Variants in DMD observed in about 807,000 individuals in gnomAD.
DMD encodes the protein mutant dystrophin.
DMD carries 63 observed loss-of-function variants against 330.1 expected under a neutral mutation model. The observed-to-expected ratio is 0.19, with a 90% CI of 0.16 to 0.24. DMD has a LOEUF of 0.24. Ranked by LOEUF, DMD falls within the 10% of genes least tolerant of loss-of-function variation. The pLI is 1.00. For missense variants in DMD, 3,344 were observed against 2,684.1 expected (o/e 1.25, Z -5.43); for synonymous variants, 1,223 against 959.8 (o/e 1.27, Z -5.07).
intron 1 of DMD, among the ~76,000 whole-genome samples, chrX:33,224,111 G>T (rs2052241160): frequency 8.9e-6 from 1 of 112,310 alleles, no homozygotes; most frequent in Non-Finnish European, 1.9e-5. Flanking sequence ...TGGAGTAATA[G>T]GAACTCTTGT....
intron 12 of DMD, among the ~76,000 whole-genome samples, chrX:32,607,617 T>C (rs2056838528): frequency 9.1e-6 from 1 of 110,055 alleles, no homozygotes; most frequent in Non-Finnish European, 1.9e-5. Flanking sequence ...AGAAAAAGTA[T>C]CATATTCAAC....
intron 43 of DMD, among the ~76,000 whole-genome samples, chrX:32,253,009 A>T (rs2097282945): frequency 1.0e-5 from 1 of 97,458 alleles, no homozygotes; most frequent in South Asian, 4.3e-4. Flanking sequence ...TAAATGGTTT[A>T]TAAAACTTTC....
At chrX:31,157,891 A>T (rs1398692513) in intron 74 of DMD, among the ~76,000 whole-genome samples, 2 of 107,545 alleles carry the variant, frequency 1.9e-5, no homozygotes, top group African/African-American at 6.8e-5. Context: ...GTAACCTTGA[A>T]TTCCTGGGCT....
intron 43 of DMD, among the ~76,000 whole-genome samples, chrX:32,232,487 C>T (rs755167085): frequency 7.2e-5 from 8 of 111,136 alleles, no homozygotes; most frequent in African/African-American, 2.6e-4. Context: ...AGGATGACAC[C>T]ATGTTAGAAA....
At chrX:32,557,456 TAC>T (rs1462024225) in intron 16 of DMD, among the ~76,000 whole-genome samples, 1 of 111,936 alleles carries the variant, frequency 8.9e-6, no homozygotes, top group Admixed American at 9.5e-5. Flanking sequence ...CAAAATACAC[TAC>T]ACACACACAA....
chrX:33,114,250 C>G (rs1301403886), intron 1 of DMD, among the ~76,000 whole-genome samples: 3 of 108,195 alleles, frequency 2.8e-5, no homozygotes, highest in African/African-American at 1.0e-4. Context: ...GCTGAGATTA[C>G]AGATGCCCAC....
chrX:32,697,845 C>T, intron 9 of DMD, 25 bp downstream of exon 9: 1 of 1,209,517 alleles, frequency 8.3e-7, no homozygotes, highest in Non-Finnish European at 1.1e-6. Flanking sequence ...CTGGTTTGTA[C>T]AACAGAGAGT....
At chrX:33,125,527 G>A (rs1417572032) in intron 1 of DMD, among the ~76,000 whole-genome samples, 3 of 110,975 alleles carry the variant, frequency 2.7e-5, no homozygotes, top group African/African-American at 9.8e-5. Context: ...TAATCTAAAC[G>A]TTGCGCCCCA....
At chrX:33,211,554 G>A (rs1464456863), upstream of DMD, 4 of 1,031,256 alleles carry the variant, frequency 3.9e-6, no homozygotes, top group Middle Eastern at 4.0e-4. Context: ...ACTGATGCCA[G>A]GATTCTGTAG....
intron 37 of DMD, among the ~76,000 whole-genome samples, chrX:32,358,468 C>A (rs980616601): frequency 2.7e-5 from 3 of 111,416 alleles, no homozygotes; most frequent in Non-Finnish European, 5.7e-5. Context: ...TTGACTGTTG[C>A]AATTCTGATC....
At position 31,121,761 on chromosome X, in the gene DMD, C is replaced by CTCTT. The variant is rs1476098156; in HGVS notation, c.*154_*157dup. On this transcript the variant is annotated 3_prime_UTR_variant, in exon 79 of 79. Transcript: ENST00000357033. The stretch of plus-strand genomic sequence containing the variant: ...AAAATATAGATTTATTTCTTGTAAA[C>CTCTT]TCTTACTGTCTAATCCTCTTTGTTG... 21 of 780,884 alleles carry CTCTT rather than the reference C, an allele frequency of 2.7e-5. No individual in the cohort carries two copies. The African/African-American group carries it at 2.9e-4, about 11-fold the overall frequency. The allele number at this position is 780,884 out of a possible 1,213,427, so 64.4% of individuals were successfully genotyped here. A position where few individuals can be genotyped will look rare whatever the true frequency, so the allele number is the denominator to read the frequency against.
At chrX:32,663,562 T>A (rs1216637183) in intron 9 of DMD, among the ~76,000 whole-genome samples, 1 of 111,672 alleles carries the variant, frequency 9.0e-6, no homozygotes, top group Non-Finnish European at 1.9e-5. Context: ...TCTGGCTCTG[T>A]CACTTAGTAC....
chrX:32,947,850 C>A (rs776259995), intron 2 of DMD, among the ~76,000 whole-genome samples: 1 of 110,951 alleles, frequency 9.0e-6, no homozygotes, highest in Non-Finnish European at 1.9e-5. Context: ...TGGGGTGGAG[C>A]GGAAACCCAG....
At chrX:31,274,177 T>C (rs2051901371) in intron 62 of DMD, among the ~76,000 whole-genome samples, 1 of 112,174 alleles carries the variant, frequency 8.9e-6, no homozygotes, top group Non-Finnish European at 1.9e-5. Context: ...TTTCCTCTTT[T>C]TGCTTTTTAC....
At chrX:33,135,081 C>A (rs1215969505) in intron 1 of DMD, among the ~76,000 whole-genome samples, 1 of 112,085 alleles carries the variant, frequency 8.9e-6, no homozygotes, top group Non-Finnish European at 1.9e-5. Flanking sequence ...AACCCCAACT[C>A]TTGATAAGAT....
Position 32,468,705 on chromosome X carries a change from T to C in DMD, c.2955A>G (p.Leu985=), listed in dbSNP as rs776362860. The change falls in exon 23 of 79, where the codon TTA becomes TTG. Residue 985 remains leucine, a synonymous_variant. Transcript: ENST00000357033. ...MEQRLGELQA[L]QSSLQEQQSG... The stretch of plus-strand genomic sequence containing the variant: ...TTTGTTGCTCTTGCAGAGAACTTTG[T>C]AAAGCCTAAAAAACAATTTTTTAAA... 1 of 1,206,248 alleles carries C rather than the reference T, an allele frequency of 8.3e-7. No homozygotes were observed. The highest frequency in any genetic ancestry group is 1.1e-6 in the Non-Finnish European group (1 of 892,628).
intron 9 of DMD, among the ~76,000 whole-genome samples, chrX:32,684,095 A>G (rs1378494117): frequency 3.7e-5 from 4 of 108,690 alleles, no homozygotes; most frequent in African/African-American, 1.3e-4. Context: ...AGTTATGAGG[A>G]TGAGACTAGG....
intron 63 of DMD, among the ~76,000 whole-genome samples, chrX:31,228,737 C>T (rs1426101967): frequency 8.9e-6 from 1 of 112,057 alleles, no homozygotes; most frequent in Non-Finnish European, 1.9e-5. Flanking sequence ...AGCTCACTAG[C>T]TCTCACAGCC....
At chrX:31,920,662 CAG>C (rs1259305239) in intron 47 of DMD, among the ~76,000 whole-genome samples, 1 of 112,454 alleles carries the variant, frequency 8.9e-6, no homozygotes, top group Non-Finnish European at 1.9e-5. Flanking sequence ...ACTGAAGATG[CAG>C]AGTTATGAAA....
Sources: allele counts gnomAD v4.1 joint callset (sites outside exome capture counted in the v4.1 genomes callset), GRCh38; gene constraint gnomAD v4.1.1; transcripts MANE v1.5; gene names NCBI Gene and HGNC (gene_info 2026-07-23, HGNC 2026-07-21).